DCC: variants seen among roughly 807,000 people sequenced by gnomAD.
DCC encodes the protein DCC netrin 1 receptor.
A neutral mutation model predicts 172.5 loss-of-function variants in DCC; 58 were observed. The observed-to-expected ratio is 0.34, with a 90% CI of 0.27 to 0.42. DCC has a LOEUF of 0.42. Among genes scored for constraint, DCC ranks in the 10% least tolerant of loss-of-function variants. DCC has a pLI of 1.00. For missense variants in DCC, 1,740 were observed against 1,791.0 expected, an observed-to-expected ratio of 0.97 and a Z score of 0.51; for synonymous variants, 709 against 644.5, an observed-to-expected ratio of 1.10 and a Z score of -1.52.
intron 5 of DCC, among the ~76,000 whole-genome samples, chr18:53,043,679 A>C (rs1330602669): frequency 6.6e-6 from 1 of 151,944 alleles, no homozygotes; most frequent in Non-Finnish European, 1.5e-5. Context: ...TTACATTTCA[A>C]AGATGACTTT....
intron 25 of DCC, among the ~76,000 whole-genome samples, chr18:53,476,697 G>A (rs2045766981): frequency 6.6e-6 from 1 of 152,202 alleles, no homozygotes; most frequent in Admixed American, 6.5e-5. Context: ...GAATTCAGGA[G>A]GACAATTACT....
chr18:52,503,986 T>A (rs909047233), intron 1 of DCC, among the ~76,000 whole-genome samples: 2 of 152,052 alleles, frequency 1.3e-5, no homozygotes, highest in African/African-American at 4.8e-5. Context: ...GGAAGCAGAA[T>A]AAAAACACCC....
At chr18:52,856,016 C>T (rs8088653) in intron 2 of DCC, among the ~76,000 whole-genome samples, 2,391 of 151,874 alleles carry the variant, frequency 0.016, 70 homozygotes, top group East Asian at 0.079. Flanking sequence ...CCACCTGCCT[C>T]GGCCTCCCAA....
At chr18:53,280,131 T>G (rs533889825) in intron 12 of DCC, among the ~76,000 whole-genome samples, 129 of 152,274 alleles carry the variant, frequency 8.5e-4, no homozygotes, top group African/African-American at 3.0e-3. Context: ...TTGAAGCCTA[T>G]GGGCTAATTT....
chr18:52,668,572 C>T (rs571518644), intron 1 of DCC, among the ~76,000 whole-genome samples: 3 of 152,150 alleles, frequency 2.0e-5, no homozygotes, highest in Non-Finnish European at 2.9e-5. Context: ...GTAATAAGAA[C>T]ATAATACTCT....
chr18:52,590,012 G>A (rs964011257), intron 1 of DCC, among the ~76,000 whole-genome samples: 1 of 152,012 alleles, frequency 6.6e-6, no homozygotes, highest in Non-Finnish European at 1.5e-5. Flanking sequence ...TTTAAAAAAA[G>A]ATATACTTTC....
intron 12 of DCC, among the ~76,000 whole-genome samples, chr18:53,290,153 T>C (rs1035243298): frequency 3.3e-5 from 5 of 152,218 alleles, no homozygotes; most frequent in African/African-American, 1.2e-4. Flanking sequence ...TAAATCATAC[T>C]ATTGGTCTAT....
chr18:52,505,513 C>T (rs535989549), intron 1 of DCC, among the ~76,000 whole-genome samples: 115 of 152,124 alleles, frequency 7.6e-4, no homozygotes, highest in African/African-American at 2.7e-3. Context: ...CTTCGCTAAA[C>T]GGCACAAAAG....
chr18:53,279,121 G>T (rs1232096457), intron 12 of DCC, among the ~76,000 whole-genome samples: 1 of 152,116 alleles, frequency 6.6e-6, no homozygotes, highest in Admixed American at 6.6e-5. Context: ...GTGTGAGATG[G>T]TATCTCATTG....
intron 1 of DCC, among the ~76,000 whole-genome samples, chr18:52,629,842 C>T (rs1473149680): frequency 8.9e-5 from 13 of 145,958 alleles, no homozygotes; most frequent in Admixed American, 5.8e-4. Flanking sequence ...CCCAGCTGCT[C>T]GGGAGGCTGA....
At chr18:52,388,248 G>A (rs898825379) in intron 1 of DCC, among the ~76,000 whole-genome samples, 2 of 151,636 alleles carry the variant, frequency 1.3e-5, no homozygotes, top group African/African-American at 2.4e-5. Context: ...AACTTTTCAT[G>A]TGTCTGAAGA....
At chr18:52,804,831 C>G (rs900202093) in intron 2 of DCC, among the ~76,000 whole-genome samples, 2 of 152,206 alleles carry the variant, frequency 1.3e-5, no homozygotes, top group Non-Finnish European at 2.9e-5. Context: ...ATCCACCCAC[C>G]TTGGCCTCCC....
At chr18:53,141,422 G>T (rs930401631) in intron 7 of DCC, among the ~76,000 whole-genome samples, 17 of 152,146 alleles carry the variant, frequency 1.1e-4, no homozygotes. Context: ...GTCAAAGATG[G>T]GGAAAATCCA....
chr18:52,560,968 G>A (rs2033022427), intron 1 of DCC, among the ~76,000 whole-genome samples: 1 of 152,056 alleles, frequency 6.6e-6, no homozygotes, highest in East Asian at 1.9e-4. Flanking sequence ...ATAATTTTAT[G>A]TGTTCATGAT....
chr18:53,261,810 C>A (rs1320768789), intron 12 of DCC, among the ~76,000 whole-genome samples: 1 of 152,078 alleles, frequency 6.6e-6, no homozygotes, highest in Non-Finnish European at 1.5e-5. Context: ...TTTATGAATA[C>A]CTTCGTGGGG....
In DCC at chr18:53,036,177, T is replaced by C. The variant is rs150853196; in HGVS notation, c.986-27128T>C. Among the ~76,000 whole-genome samples the C allele has an allele frequency of 1.7e-3, 265 of 152,132 alleles. 2 individuals are homozygous for C. Among genetic ancestry groups the C allele is most frequent in the African/African-American group, 6.0e-3 (251 of 41,558 alleles). ...TAGGTTTACAAAAAATTTAAGAAGATATTAAAGATTCTAAAAATCTTTTCC... is the reference window on the plus strand; with the variant it reads ...TAGGTTTACAAAAAATTTAAGAAGACATTAAAGATTCTAAAAATCTTTTCC... On this transcript the variant is annotated intron_variant, in intron 5 of 28. Transcript: ENST00000442544.
intron 2 of DCC, among the ~76,000 whole-genome samples, chr18:52,876,172 A>C (rs1286530148): frequency 2.0e-5 from 3 of 152,194 alleles, no homozygotes. Flanking sequence ...AACTAAATCA[A>C]TCATTTGTCA....
intron 1 of DCC, among the ~76,000 whole-genome samples, chr18:52,641,734 G>A (rs1380490400): frequency 6.6e-6 from 1 of 151,934 alleles, no homozygotes; most frequent in East Asian, 1.9e-4. Context: ...TGGTGTGGAT[G>A]TGGTGAACGG....
At chr18:52,481,648 G>T (rs2029966147) in intron 1 of DCC, among the ~76,000 whole-genome samples, 1 of 151,870 alleles carries the variant, frequency 6.6e-6, no homozygotes, top group Non-Finnish European at 1.5e-5. Context: ...AGCCTGTCCA[G>T]ATTCCCTTCC....
Sources: allele counts gnomAD v4.1 joint callset (sites outside exome capture counted in the v4.1 genomes callset), GRCh38; gene constraint gnomAD v4.1.1; transcripts MANE v1.5; gene names NCBI Gene and HGNC (gene_info 2026-07-23, HGNC 2026-07-21).